TMEM170B: variants seen among roughly 807,000 people sequenced by gnomAD.
TMEM170B encodes the protein transmembrane protein 170B.
In TMEM170B, 6 loss-of-function variants were observed where a neutral mutation model predicts 13.0. The ratio of observed to expected loss-of-function variants is 0.46; its 90% confidence interval spans 0.25 to 0.91. TMEM170B has a LOEUF of 0.91. Ranked by LOEUF, TMEM170B falls within the 40% of genes least tolerant of loss-of-function variation. The probability of loss-of-function intolerance (pLI) is 0.17; values close to 1 mark genes in which losing one functional copy is unlikely to be tolerated. For missense variants in TMEM170B, 138 were observed against 165.2 expected, an observed-to-expected ratio of 0.84 and a Z score of 0.90; for synonymous variants, 61 against 64.9, an observed-to-expected ratio of 0.94 and a Z score of 0.29.
chr6:11,578,316 C>T lies in TMEM170B; in HGVS notation c.*2755C>T, dbSNP rs373975560. 3.9e-5 allele frequency: 6 copies of T among 152,128 alleles called. No individual in the cohort carries two copies. Among genetic ancestry groups the T allele is most frequent in the African/African-American group, 9.6e-5 (4 of 41,512 alleles). 9.4% of individuals were successfully genotyped at this position (152,128 alleles called of 1,614,324 possible). On this transcript the variant is annotated 3_prime_UTR_variant, in exon 3 of 3. Coordinates refer to ENST00000379426, the MANE Select transcript of TMEM170B (RefSeq NM_001100829.3). ...ATGTGATTTAGCAGTACATTTTCTT[C>T]GTGACAAATGCAAGAAGGGAGGGAG... is the stretch of plus-strand genomic sequence containing the variant.
intron 1 of TMEM170B, among the ~76,000 whole-genome samples, chr6:11,550,509 G>A (rs543135289): frequency 3.3e-5 from 5 of 151,396 alleles, no homozygotes; most frequent in African/African-American, 7.3e-5. Flanking sequence ...TTACCCTGAC[G>A]GATTGTATGA....
At chr6:11,563,118 C>T (rs1351224987) in intron 1 of TMEM170B, among the ~76,000 whole-genome samples, 1 of 152,146 alleles carries the variant, frequency 6.6e-6, no homozygotes, top group Non-Finnish European at 1.5e-5. Flanking sequence ...GGGCAGATCA[C>T]CTGAGGTCGG....
chr6:11,571,803 A>G (rs1174472226), intron 2 of TMEM170B, among the ~76,000 whole-genome samples: 1 of 152,190 alleles, frequency 6.6e-6, no homozygotes. Flanking sequence ...AAAGATTAAT[A>G]TCTAGACTAT....
chr6:11,566,715 A>G (rs1759737489), intron 2 of TMEM170B, among the ~76,000 whole-genome samples: 1 of 152,214 alleles, frequency 6.6e-6, no homozygotes, highest in Admixed American at 6.5e-5. Flanking sequence ...CCTTGGTGCT[A>G]TGACTTGCTG....
At chr6:11,562,573 T>G (rs1278617050) in intron 1 of TMEM170B, among the ~76,000 whole-genome samples, 1 of 152,020 alleles carries the variant, frequency 6.6e-6, no homozygotes, top group Non-Finnish European at 1.5e-5. Flanking sequence ...TATTCTTTCG[T>G]TTTTTAAGAT....
At chr6:11,567,444 T>C (rs1759749608) in intron 2 of TMEM170B, among the ~76,000 whole-genome samples, 1 of 152,220 alleles carries the variant, frequency 6.6e-6, no homozygotes, top group African/African-American at 2.4e-5. Context: ...GGCAACCTTG[T>C]CTTTATGATG....
intron 2 of TMEM170B, among the ~76,000 whole-genome samples, chr6:11,571,485 T>A (rs1011941273): frequency 1.3e-5 from 2 of 152,222 alleles, no homozygotes; most frequent in African/African-American, 4.8e-5. Flanking sequence ...TATATTTTAC[T>A]CACCTTCAGA....
At chr6:11,540,264 G>A (rs1470129596) in intron 1 of TMEM170B, among the ~76,000 whole-genome samples, 1 of 152,188 alleles carries the variant, frequency 6.6e-6, no homozygotes, top group Non-Finnish European at 1.5e-5. Flanking sequence ...TGTAGCATGG[G>A]ATGCTGTTGG....
chr6:11,573,266 C>T (rs1312931823), intron 2 of TMEM170B, among the ~76,000 whole-genome samples: 2 of 151,992 alleles, frequency 1.3e-5, no homozygotes, highest in South Asian at 2.1e-4. Context: ...GTTATTTAAT[C>T]CATCTGAAAT....
At position 11,577,231 on chromosome 6, in the gene TMEM170B, A is replaced by G. The variant is rs1006071835; in HGVS notation, c.*1670A>G. The G allele has an allele frequency of 7.9e-5, 12 of 152,106 alleles. No homozygotes were observed. The highest frequency in any genetic ancestry group is 2.9e-4 in the African/African-American group (12 of 41,442). 9.4% of individuals were successfully genotyped at this position (152,106 alleles called of 1,614,324 possible). ...AGTACTTTTCTCAGTATGGAAGCCA[A>G]TTTGGGAGATTTACTAACACTGGCT... On this transcript the variant is annotated 3_prime_UTR_variant, in exon 3 of 3. Transcript: ENST00000379426.
chr6:11,544,743 G>T (rs1445985757), intron 1 of TMEM170B, among the ~76,000 whole-genome samples: 1 of 152,146 alleles, frequency 6.6e-6, no homozygotes, highest in Non-Finnish European at 1.5e-5. Flanking sequence ...ACTTCTTTAA[G>T]TGTGTTTTTC....
intron 1 of TMEM170B, among the ~76,000 whole-genome samples, chr6:11,557,467 T>C (rs936226148): frequency 1.6e-4 from 24 of 152,142 alleles, no homozygotes; most frequent in African/African-American, 5.8e-4. Flanking sequence ...TTTACCTATG[T>C]AGCAAACATG....
chr6:11,544,688 C>T (rs1180009168), intron 1 of TMEM170B, among the ~76,000 whole-genome samples: 1 of 152,192 alleles, frequency 6.6e-6, no homozygotes, highest in East Asian at 1.9e-4. Flanking sequence ...AACCCCGTAT[C>T]TGTCACTTAA....
intron 2 of TMEM170B, among the ~76,000 whole-genome samples, chr6:11,567,004 A>G (rs1444660184): frequency 6.6e-6 from 1 of 152,130 alleles, no homozygotes; most frequent in Non-Finnish European, 1.5e-5. Context: ...GTTTTTATCC[A>G]TTGGGAAATT....
At chr6:11,569,055 A>G (rs896878068) in intron 2 of TMEM170B, among the ~76,000 whole-genome samples, 1 of 152,170 alleles carries the variant, frequency 6.6e-6, no homozygotes, top group Non-Finnish European at 1.5e-5. Flanking sequence ...TGTGATTATT[A>G]GTGAATTTGA....
Position 11,578,288 on chromosome 6 carries a change from C to T in TMEM170B, c.*2727C>T, listed in dbSNP as rs960521681. 2.6e-5 allele frequency: 4 copies of T among 151,998 alleles called. No homozygotes were observed. Among genetic ancestry groups the T allele is most frequent in the African/African-American group, 9.7e-5 (4 of 41,376 alleles). 9.4% of individuals were successfully genotyped at this position (151,998 alleles called of 1,614,324 possible). On this transcript the variant is annotated 3_prime_UTR_variant, in exon 3 of 3. Transcript: ENST00000379426. ...TTGGGTTATATACTTTGTTAAAATT[C>T]GTATGTGATTTAGCAGTACATTTTC...
At position 11,575,609 on chromosome 6, in the gene TMEM170B, A is replaced by T; in HGVS notation, c.*48A>T. On this transcript the variant is annotated 3_prime_UTR_variant, in exon 3 of 3. Coordinates refer to ENST00000379426, the MANE Select transcript of TMEM170B (RefSeq NM_001100829.3). The surrounding 1 kb of genome is among the most constrained non-coding windows in gnomAD (Gnocchi z 4.1). ...TTCACATAAGGAAACAGATGTACAG[A>T]TTCCCTGAAAACGGCATTGTTAACA... is the stretch of plus-strand genomic sequence containing the variant. The T allele has an allele frequency of 1.2e-6, 2 of 1,602,564 alleles. No homozygotes were observed.
At chr6:11,568,442 TG>T (rs773178332) in intron 2 of TMEM170B, among the ~76,000 whole-genome samples, 12 of 152,222 alleles carry the variant, frequency 7.9e-5, no homozygotes, top group Non-Finnish European at 1.3e-4. Context: ...TATATATATA[TG>T]TATTTATTTG....
chr6:11,550,883 A>C (rs1054888656), intron 1 of TMEM170B, among the ~76,000 whole-genome samples: 1 of 152,234 alleles, frequency 6.6e-6, no homozygotes, highest in Admixed American at 6.5e-5. Flanking sequence ...AGATAAATAC[A>C]TAGCGACTAT....
Sources: allele counts gnomAD v4.1 joint callset (sites outside exome capture counted in the v4.1 genomes callset), GRCh38; gene constraint gnomAD v4.1.1; non-coding constraint Gnocchi (gnomAD v3.1); transcripts MANE v1.5; gene names NCBI Gene and HGNC (gene_info 2026-07-23, HGNC 2026-07-21).